The following PKHD1 variants were observed in gnomAD, a reference collection of about 807,000 sequenced individuals.
PKHD1 encodes fibrocystin.
A neutral mutation model predicts 412.0 loss-of-function variants in PKHD1; 291 were observed. That is an observed-to-expected ratio of 0.71 (90% CI 0.64 to 0.78). The LOEUF (loss-of-function observed/expected upper bound fraction) is 0.78, where lower values mean the gene tolerates loss of function less well. PKHD1 is among the 30% of genes least tolerant of loss of function. The pLI is 0.00. For synonymous variants in PKHD1, 1,777 were observed against 1,821.5 expected (o/e 0.98, Z 0.62); for missense variants, 4,825 against 4,950.7 (o/e 0.97, Z 0.76).
intron 60 of PKHD1, among the ~76,000 whole-genome samples, chr6:51,693,092 T>C (rs1232456728): frequency 3.3e-5 from 5 of 152,098 alleles, no homozygotes; most frequent in African/African-American, 1.2e-4. Flanking sequence ...TTCTTCAGGG[T>C]TCAGTTATTT....
At chr6:51,937,109 ACTTAT>A (rs1787625665) in intron 36 of PKHD1, among the ~76,000 whole-genome samples, 1 of 152,110 alleles carries the variant, frequency 6.6e-6, no homozygotes, top group South Asian at 2.1e-4. Flanking sequence ...CTCCACAACC[ACTTAT>A]CTTAACCCAG....
At chr6:51,950,220 A>AAAAAAAAAAAAAATATATAT in intron 36 of PKHD1, among the ~76,000 whole-genome samples, 2 of 98,302 alleles carry the variant, frequency 2.0e-5, no homozygotes, top group African/African-American at 7.6e-5. Context: ...GAAAAAAAAA[A>AAAAAAAAAAAAAATATATAT]ATATATATAT....
chr6:51,946,296 C>T lies in PKHD1; in HGVS notation c.5909-11974G>A, dbSNP rs888911833. Among the ~76,000 whole-genome samples, 5 of 152,132 alleles carry T rather than the reference C, an allele frequency of 3.3e-5. No homozygotes were observed. The South Asian group carries it at 8.3e-4, about 25-fold the overall frequency. On this transcript the variant is annotated intron_variant, in intron 36 of 66. Coordinates refer to ENST00000371117, the MANE Select transcript of PKHD1 (RefSeq NM_138694.4). Reference sequence around the variant, plus strand: ...TAACTCCTGCTAAAAAGCATCCCCACCCCGCTTTATTAGTGGCAAATATAA... The same window carrying T: ...TAACTCCTGCTAAAAAGCATCCCCATCCCGCTTTATTAGTGGCAAATATAA...
chr6:51,993,141 C>T (rs961819733), intron 35 of PKHD1, among the ~76,000 whole-genome samples: 8 of 152,208 alleles, frequency 5.3e-5, no homozygotes, highest in African/African-American at 1.9e-4. Context: ...GACCAGGGTG[C>T]AGAAGGCAGA....
chr6:51,705,172 TTAC>T (rs1423555599), intron 60 of PKHD1, among the ~76,000 whole-genome samples: 1 of 152,080 alleles, frequency 6.6e-6, no homozygotes, highest in East Asian at 1.9e-4. Flanking sequence ...CACCTTTCAG[TTAC>T]TACAGTACCG....
intron 35 of PKHD1, among the ~76,000 whole-genome samples, chr6:51,976,944 T>TAAAAAAAAAAAAAAAAAAAAAAAAAA (rs10671492): frequency 2.1e-5 from 2 of 93,520 alleles, no homozygotes; most frequent in African/African-American, 9.1e-5. Context: ...TGAGACTCCA[T>TAAAAAAAAAAAAAAAAAAAAAAAAAA]AAAAAAAAAA....
chr6:51,746,538 T>C (rs1348304532), intron 59 of PKHD1, among the ~76,000 whole-genome samples, 183 bp downstream of exon 59: 1 of 152,176 alleles, frequency 6.6e-6, no homozygotes, highest in Non-Finnish European at 1.5e-5. Flanking sequence ...TTAAAAATCA[T>C]ATATCACAAG....
chr6:51,727,913 G>C (rs932708938), intron 60 of PKHD1, among the ~76,000 whole-genome samples: 1 of 152,118 alleles, frequency 6.6e-6, no homozygotes, highest in African/African-American at 2.4e-5. Context: ...GGGTAGGGGA[G>C]AGCCCTCTTC....
intron 52 of PKHD1, among the ~76,000 whole-genome samples, chr6:51,824,143 G>C (rs1201557852): frequency 6.6e-6 from 1 of 151,940 alleles, no homozygotes; most frequent in Non-Finnish European, 1.5e-5. Context: ...AGTTGGATTA[G>C]AAAGCCACTA....
At position 51,959,847 on chromosome 6, in the gene PKHD1, A is replaced by G. The variant is rs147066188; in HGVS notation, c.5908+23T>C. The G allele has an allele frequency of 4.7e-5, 75 of 1,602,144 alleles. No individual in the cohort carries two copies. The African/African-American group carries it at 7.8e-4, about 17-fold the overall frequency. On this transcript the variant is annotated intron_variant, in intron 36 of 66. Transcript: ENST00000371117. ...TGATATAATCATATAGAATAATATTACCAACCTACAAACTTCACACACCTT... is the reference window on the plus strand; with the variant it reads ...TGATATAATCATATAGAATAATATTGCCAACCTACAAACTTCACACACCTT...
chr6:51,877,804 C>CCA, intron 46 of PKHD1, among the ~76,000 whole-genome samples: 1 of 7,274 alleles, frequency 1.4e-4, no homozygotes, highest in Non-Finnish European at 2.0e-4. Context: ...AAAAACCCTT[C>CCA]AAAAAATCAA....
chr6:51,864,530 T>C (rs191451574), intron 48 of PKHD1, among the ~76,000 whole-genome samples: 21 of 152,190 alleles, frequency 1.4e-4, no homozygotes, highest in African/African-American at 4.6e-4. Flanking sequence ...GGAAATAAGG[T>C]ACAAAGATGA....
intron 48 of PKHD1, among the ~76,000 whole-genome samples, chr6:51,865,754 G>C (rs563786803): frequency 3.2e-4 from 48 of 152,332 alleles, no homozygotes; most frequent in African/African-American, 1.2e-3. Flanking sequence ...GCTTGCCCCA[G>C]GGCAAATAGC....
At chr6:51,891,752 C>G (rs1466921669) in intron 43 of PKHD1, among the ~76,000 whole-genome samples, 1 of 151,246 alleles carries the variant, frequency 6.6e-6, no homozygotes, top group African/African-American at 2.4e-5. Flanking sequence ...CACACACATT[C>G]AGCCAAGCAA....
In PKHD1 at chr6:51,915,236, G is replaced by A. The variant is rs199877753; in HGVS notation, c.6122-2660C>T. Among the ~76,000 whole-genome samples the A allele has an allele frequency of 5.3e-5, 8 of 152,184 alleles. No individual in the cohort carries two copies. In the East Asian group the frequency reaches 1.5e-3, roughly 29 times the overall value. On this transcript the variant is annotated intron_variant, in intron 37 of 66. Coordinates refer to ENST00000371117, the MANE Select transcript of PKHD1 (RefSeq NM_138694.4). ...TTTGTCACCTGATGCTGCTCCACCTGAGATTCTCTCACCAACTCACTCTGC... is the reference window on the plus strand; with the variant it reads ...TTTGTCACCTGATGCTGCTCCACCTAAGATTCTCTCACCAACTCACTCTGC...
intron 59 of PKHD1, 92 bp downstream of exon 59, chr6:51,746,629 T>C: frequency 2.4e-6 from 2 of 824,676 alleles, no homozygotes; most frequent in Non-Finnish European, 2.1e-6. Flanking sequence ...ATTTCTTTGA[T>C]GATTTTATTC....
chr6:51,682,115 A>G (rs1245599642), intron 60 of PKHD1: 3 of 414,432 alleles, frequency 7.2e-6, no homozygotes, highest in African/African-American at 2.1e-5. Flanking sequence ...TTAGGATGTC[A>G]GTACTCTGAT....
chr6:51,747,622 G>A (rs1785377889), intron 58 of PKHD1, among the ~76,000 whole-genome samples, 165 bp downstream of exon 58: 1 of 152,174 alleles, frequency 6.6e-6, no homozygotes, highest in South Asian at 2.1e-4. Context: ...AGTGACTTTT[G>A]TAAGAAATTA....
At chr6:51,696,909 C>G (rs1416276816) in intron 60 of PKHD1, among the ~76,000 whole-genome samples, 1 of 152,120 alleles carries the variant, frequency 6.6e-6, no homozygotes, top group Non-Finnish European at 1.5e-5. Flanking sequence ...CATAATTGGG[C>G]CTGGTGTGGT....
Sources: gnomAD v4.1 joint callset for allele counts (sites outside exome capture counted in the v4.1 genomes callset) on GRCh38, gnomAD v4.1.1 for gene constraint, MANE v1.5 for transcripts, NCBI Gene and HGNC (gene_info 2026-07-23, HGNC 2026-07-21) for gene names.